NAALADL2: variants seen among roughly 807,000 people sequenced by gnomAD.
The protein encoded by NAALADL2 is inactive N-acetylated-alpha-linked acidic dipeptidase-like protein 2.
In NAALADL2, 76 loss-of-function variants were observed where a neutral mutation model predicts 87.2. The ratio of observed to expected loss-of-function variants is 0.87; its 90% CI spans 0.72 to 1.05. The LOEUF (loss-of-function observed/expected upper bound fraction) is 1.05, where lower values mean the gene tolerates loss of function less well. Among genes scored for constraint, NAALADL2 ranks in the 50% least tolerant of loss-of-function variants. The probability of loss-of-function intolerance (pLI) is 0.00; values close to 1 mark genes in which losing one functional copy is unlikely to be tolerated. For synonymous variants in NAALADL2, 354 were observed against 331.0 expected, an observed-to-expected ratio of 1.07 and a Z score of -0.75; for missense variants, 1,089 against 945.8, an observed-to-expected ratio of 1.15 and a Z score of -1.99.
chr3:175,168,943 A>G (rs1734383544), intron 2 of NAALADL2, among the ~76,000 whole-genome samples: 1 of 151,866 alleles, frequency 6.6e-6, no homozygotes, highest in Non-Finnish European at 1.5e-5. Flanking sequence ...TATTCATGAG[A>G]AACAAAAGTT....
chr3:174,779,171 C>T (rs565175682), intron 3 of NAALADL2, among the ~76,000 whole-genome samples: 2 of 152,198 alleles, frequency 1.3e-5, no homozygotes, highest in Non-Finnish European at 2.9e-5. Context: ...GACAGCCATT[C>T]TAACTGGCGT....
rs201042630 is a variant in NAALADL2, at chr3:175,592,468, G to C, written c.1800+16281G>C. On this transcript the variant is annotated intron_variant, in intron 10 of 13. Coordinates refer to ENST00000454872, the MANE Select transcript of NAALADL2 (RefSeq NM_207015.3). ...TTTTTGGTTTCTTTACATGTAGACT[G>C]TAGTTACCTTTTCACGACCATGTCA... Among the ~76,000 whole-genome samples, 7 of 151,946 alleles carry C rather than the reference G, an allele frequency of 4.6e-5. No individual in the cohort carries two copies. The East Asian group carries it at 9.7e-4, about 21-fold the overall frequency.
intron 1 of NAALADL2, among the ~76,000 whole-genome samples, chr3:175,035,001 G>T (rs1472321669): frequency 6.6e-6 from 1 of 152,094 alleles, no homozygotes; most frequent in African/African-American, 2.4e-5. Context: ...CTGGCATATT[G>T]TAGGTATTCA....
At chr3:174,958,217 A>T (rs1373921310) in intron 1 of NAALADL2, among the ~76,000 whole-genome samples, 1 of 151,098 alleles carries the variant, frequency 6.6e-6, no homozygotes, top group African/African-American at 2.4e-5. Context: ...TATATATATA[A>T]ATAATCAATT....
chr3:175,790,394 C>G (rs1041488865), intron 13 of NAALADL2, among the ~76,000 whole-genome samples: 8 of 152,188 alleles, frequency 5.3e-5, no homozygotes, highest in African/African-American at 1.9e-4. Context: ...TGACTAAATA[C>G]TGCCTTTAGA....
intron 9 of NAALADL2, among the ~76,000 whole-genome samples, chr3:175,478,610 C>T (rs1388784344): frequency 1.3e-5 from 2 of 151,880 alleles, no homozygotes; most frequent in African/African-American, 2.4e-5. Context: ...ACTTGAAATA[C>T]TATTTAGCTT....
intron 9 of NAALADL2, among the ~76,000 whole-genome samples, chr3:175,533,182 T>G (rs1734335272): frequency 6.6e-6 from 1 of 152,192 alleles, no homozygotes; most frequent in African/African-American, 2.4e-5. Context: ...AACTCTATGT[T>G]CCTTCCACCA....
Position 175,803,305 on chromosome 3 carries a change from T to C in NAALADL2, c.*102T>C, listed in dbSNP as rs1754416998. 2.8e-6 allele frequency: 2 copies of C among 706,688 alleles called. No homozygotes were observed. Among genetic ancestry groups the C allele is most frequent in the Admixed American group, 3.0e-5 (1 of 33,146 alleles). 43.8% of individuals were successfully genotyped at this position (706,688 alleles called of 1,614,324 possible). On this transcript the variant is annotated 3_prime_UTR_variant, in exon 14 of 14. Coordinates refer to ENST00000454872, the MANE Select transcript of NAALADL2 (RefSeq NM_207015.3). ...TTGAAGGCTTATTTTCCCCAATGGC[T>C]TTTTGACAAGTATAAAGCTATTATT...
Position 175,241,767 on chromosome 3 carries a change from G to A in NAALADL2, c.819+7563G>A, listed in dbSNP as rs73045244. Among the ~76,000 whole-genome samples, 161 of 151,460 alleles carry A rather than the reference G, an allele frequency of 1.1e-3. 1 individual carries two copies. Among genetic ancestry groups the A allele is most frequent in the African/African-American group, 3.6e-3 (150 of 41,336 alleles). ...AGCATAGGTAGCTAAATTCAACTAGGTGGTTAAAGTGCAGTGGACTGTTTT... is the reference window on the plus strand; with the variant it reads ...AGCATAGGTAGCTAAATTCAACTAGATGGTTAAAGTGCAGTGGACTGTTTT... On this transcript the variant is annotated intron_variant, in intron 3 of 13. Transcript: ENST00000454872.
intron 1 of NAALADL2, among the ~76,000 whole-genome samples, chr3:174,878,014 A>T (rs944197599): frequency 6.6e-6 from 1 of 152,028 alleles, no homozygotes; most frequent in Non-Finnish European, 1.5e-5. Flanking sequence ...TTAGCTTTCT[A>T]TGTATATATT....
chr3:174,929,506 C>G (rs1736560044), intron 1 of NAALADL2, among the ~76,000 whole-genome samples: 1 of 151,950 alleles, frequency 6.6e-6, no homozygotes, highest in African/African-American at 2.4e-5. Context: ...TCTTTTAGAG[C>G]ATTATATATA....
intron 11 of NAALADL2, among the ~76,000 whole-genome samples, chr3:175,686,917 A>G (rs921826607): frequency 6.6e-6 from 1 of 152,160 alleles, no homozygotes; most frequent in Non-Finnish European, 1.5e-5. Flanking sequence ...TATGTTTTCT[A>G]TACCTACCAT....
chr3:175,375,534 T>A (rs895984029), intron 5 of NAALADL2, among the ~76,000 whole-genome samples: 3 of 152,186 alleles, frequency 2.0e-5, no homozygotes, highest in East Asian at 3.9e-4. Context: ...TTCTTGATAA[T>A]TGAACTCTTT....
At chr3:175,723,986 C>T (rs991439090) in intron 11 of NAALADL2, among the ~76,000 whole-genome samples, 5 of 152,026 alleles carry the variant, frequency 3.3e-5, no homozygotes, top group African/African-American at 1.2e-4. Context: ...TGAGATGTGA[C>T]GTTTCATATG....
intron 3 of NAALADL2, among the ~76,000 whole-genome samples, chr3:174,816,377 GAT>G (rs1405247221): frequency 7.7e-6 from 1 of 129,234 alleles, no homozygotes; most frequent in South Asian, 2.4e-4. Context: ...CTGGAATTGA[GAT>G]ATATATATGT....
intron 5 of NAALADL2, among the ~76,000 whole-genome samples, chr3:175,328,857 A>G (rs1006034102): frequency 9.9e-5 from 15 of 152,252 alleles, no homozygotes; most frequent in African/African-American, 3.4e-4. Context: ...AAGCATAAAA[A>G]ATAAGAAAGT....
At chr3:174,846,558 G>T (rs956172082) in intron 3 of NAALADL2, among the ~76,000 whole-genome samples, 2 of 152,112 alleles carry the variant, frequency 1.3e-5, no homozygotes. Flanking sequence ...GGATACTTTT[G>T]TCAATCCCAG....
intron 5 of NAALADL2, among the ~76,000 whole-genome samples, chr3:175,375,193 G>T (rs374382321): frequency 4.6e-5 from 7 of 152,086 alleles, no homozygotes; most frequent in African/African-American, 1.7e-4. Flanking sequence ...TTTGTAGTTA[G>T]TCTTGACATT....
intron 1 of NAALADL2, among the ~76,000 whole-genome samples, chr3:175,005,994 TGG>T (rs1448557008): frequency 1.3e-5 from 2 of 152,204 alleles, no homozygotes. Context: ...ATATTTACTG[TGG>T]TTACGATGTG....
Sources: allele counts gnomAD v4.1 joint callset (sites outside exome capture counted in the v4.1 genomes callset), GRCh38; gene constraint gnomAD v4.1.1; transcripts MANE v1.5; gene names NCBI Gene and HGNC (gene_info 2026-07-23, HGNC 2026-07-21).